BRME1: variants seen among roughly 807,000 people sequenced by gnomAD.
BRME1 encodes BRCA2 and MEILB2-associating protein 1.
In BRME1, 31 loss-of-function variants were observed where a neutral mutation model predicts 52.6. The observed-to-expected ratio is 0.59, with a 90% CI of 0.44 to 0.80. The LOEUF (loss-of-function observed/expected upper bound fraction) is 0.80, where lower values mean the gene tolerates loss of function less well. Ranked by LOEUF, BRME1 falls within the 30% of genes least tolerant of loss-of-function variation. BRME1 has a pLI of 0.00. For synonymous variants in BRME1, 359 were observed against 353.6 expected (o/e 1.02, Z -0.17); for missense variants, 804 against 860.3 (o/e 0.93, Z 0.82).
intron 2 of BRME1, 43 bp downstream of exon 2, chr19:13,904,819 A>G (rs765992153): frequency 1.6e-5 from 26 of 1,602,434 alleles, no homozygotes; most frequent in Non-Finnish European, 2.2e-5. Context: ...TCTTCCCACA[A>G]GCAGAAGCAG....
At chr19:13,886,738 T>C (rs1274073459) in intron 6 of BRME1, among the ~76,000 whole-genome samples, 1 of 148,984 alleles carries the variant, frequency 6.7e-6, no homozygotes, top group African/African-American at 2.5e-5. Context: ...GGTGGGAGGA[T>C]TGTTTGAGGC....
At position 13,889,363 on chromosome 19, in the gene BRME1, G is replaced by T. The variant is rs573794640; in HGVS notation, c.1493C>A (p.Ala498Asp). 55 of 1,614,130 alleles carry T rather than the reference G, an allele frequency of 3.4e-5. 1 individual carries two copies. The South Asian group carries it at 5.6e-4, about 16-fold the overall frequency. The change falls in exon 6 of 9, where the codon GCT (alanine) becomes GAT (aspartate). Residue 498 changes from alanine to aspartate, a missense_variant. Ala to Asp is a moderately radical substitution (Grantham distance 126, BLOSUM62 -2). Around this residue, in one of 3 missense-constraint regions of BRME1, gnomAD observed 552 missense variants for 561.1 expected, o/e 0.98. Transcript: ENST00000586783. ...GGTGGTGTCTGGAATGCCCTGCTGAGCCCCGGGCTCCTGGAGAGGGTCGTC... is the reference window on the plus strand; with the variant it reads ...GGTGGTGTCTGGAATGCCCTGCTGATCCCCGGGCTCCTGGAGAGGGTCGTC... ...IADDPLQEPG[A>D]QQGIPDTTSE...
intron 2 of BRME1, 148 bp from the exon 3 acceptor site, chr19:13,895,694 G>C (rs1969842105): frequency 1.5e-6 from 1 of 672,460 alleles, no homozygotes. Flanking sequence ...GTGCCTGTAA[G>C]AGCATCTTGT....
intron 2 of BRME1, among the ~76,000 whole-genome samples, chr19:13,904,008 C>T (rs11882357): frequency 1.3e-5 from 2 of 152,174 alleles, no homozygotes; most frequent in Non-Finnish European, 2.9e-5. Flanking sequence ...GGGAGGCCTC[C>T]TCTAAGCTGT....
chr19:13,889,794 C>T lies in BRME1; in HGVS notation c.1062G>A (p.Leu354=). 6.2e-7 allele frequency: 1 copy of T among 1,612,812 alleles called. No individual in the cohort carries two copies. The highest frequency in any genetic ancestry group is 8.5e-7 in the Non-Finnish European group (1 of 1,179,920). The change falls in exon 6 of 9, where the codon CTG becomes CTA. Residue 354 remains leucine (L), a synonymous_variant. Coordinates refer to ENST00000586783, the MANE Select transcript of BRME1 (RefSeq NM_001345843.2). ...CCTGCCCATCGGGCCCAGCCACCTCCAGAGCCCTCTCTTCCAGCTCAGTGG... is the reference window on the plus strand; with the variant it reads ...CCTGCCCATCGGGCCCAGCCACCTCTAGAGCCCTCTCTTCCAGCTCAGTGG... The part of the protein sequence containing the change: ...TDPTELEERA[L]EVAGPDGQAS...
chr19:13,882,588 G>C lies in BRME1; in HGVS notation c.*214C>G. The C allele has an allele frequency of 5.0e-6, 3 of 603,290 alleles. No homozygotes were observed. Among genetic ancestry groups the C allele is most frequent in the Non-Finnish European group, 8.6e-6 (3 of 350,644 alleles). The allele number at this position is 603,290 out of a possible 1,614,324, so 37.4% of individuals were successfully genotyped here. A position where few individuals can be genotyped will look rare whatever the true frequency, so the allele number is the denominator to read the frequency against. Reference sequence around the variant, plus strand: ...AGTCACTGGGGCTGTGGGAGACACAGTTTCCCTCCCTGAAGCCAAGGGTGG... The same window carrying C: ...AGTCACTGGGGCTGTGGGAGACACACTTTCCCTCCCTGAAGCCAAGGGTGG... On this transcript the variant is annotated 3_prime_UTR_variant, in exon 9 of 9. Transcript: ENST00000586783.
At position 13,904,921 on chromosome 19, in the gene BRME1, C is replaced by G; in HGVS notation, c.-21-8G>C. On this transcript the variant is annotated splice_region_variant and splice_polypyrimidine_tract_variant and intron_variant, in intron 1 of 8. Transcript: ENST00000586783. Reference sequence around the variant, plus strand: ...ATCTTCCCCTTGAGAAATCTGAAAACAAGCAAAATCTCTCATCATTATAAG... The same window carrying G: ...ATCTTCCCCTTGAGAAATCTGAAAAGAAGCAAAATCTCTCATCATTATAAG... The G allele has an allele frequency of 2.5e-6, 4 of 1,606,876 alleles. No homozygotes were observed. Among genetic ancestry groups the G allele is most frequent in the Non-Finnish European group, 3.4e-6 (4 of 1,173,684 alleles).
In BRME1 at chr19:13,882,728, C is replaced by T. The variant is rs190126561; in HGVS notation, c.*74G>A. On this transcript the variant is annotated 3_prime_UTR_variant, in exon 9 of 9. Coordinates refer to ENST00000586783, the MANE Select transcript of BRME1 (RefSeq NM_001345843.2). ...GGAGGTTTGTAGGGTCCACTAGGAC[C>T]CCCTGGAGCATCTTGGAGGAGGTCT... The T allele has an allele frequency of 8.8e-6, 14 of 1,586,360 alleles. No homozygotes were observed. Among genetic ancestry groups the T allele is most frequent in the Middle Eastern group, 1.9e-4 (1 of 5,254 alleles).
In BRME1 at chr19:13,888,381, C is replaced by T. The variant is rs748729260; in HGVS notation, c.1668+807G>A. 1.3e-5 allele frequency: 2 copies of T among 152,552 alleles called. No individual in the cohort carries two copies. Among genetic ancestry groups the T allele is most frequent in the Non-Finnish European group, 2.9e-5 (2 of 68,176 alleles). 9.4% of individuals were successfully genotyped at this position (152,552 alleles called of 1,614,324 possible). A position where few individuals can be genotyped will look rare whatever the true frequency, so the allele number is the denominator to read the frequency against. ...GCCTCACCTCTAGCAGGCGCACGAACTCCTCCAGAGTCTTCACTGCCACAC... is the reference window on the plus strand; with the variant it reads ...GCCTCACCTCTAGCAGGCGCACGAATTCCTCCAGAGTCTTCACTGCCACAC... On this transcript the variant is annotated intron_variant, in intron 6 of 8. Coordinates refer to ENST00000586783, the MANE Select transcript of BRME1 (RefSeq NM_001345843.2). The surrounding 1 kb of genome is among the most constrained non-coding windows in gnomAD (Gnocchi z 4.1).
chr19:13,892,071 C>CAA lies in BRME1; in HGVS notation c.393+713_393+714dup, dbSNP rs575433126. On this transcript the variant is annotated intron_variant, in intron 5 of 8. Transcript: ENST00000586783. The stretch of plus-strand genomic sequence containing the variant: ...CTGGGCGATAAGCAAGACTCCATCT[C>CAA]AAAAAAAAAAAAAAATTATTGTAGA... 4.3e-4 allele frequency among the ~76,000 whole-genome samples: 58 copies of CAA among 136,202 alleles called. 1 individual carries two copies. Among genetic ancestry groups the CAA allele is most frequent in the African/African-American group, 1.2e-3 (45 of 37,418 alleles). The allele number at this position is 136,202 out of a possible 152,430, so 89.4% of individuals were successfully genotyped here. A position where few individuals can be genotyped will look rare whatever the true frequency, so the allele number is the denominator to read the frequency against.
At chr19:13,900,833 G>A (rs918489360) in intron 2 of BRME1, among the ~76,000 whole-genome samples, 2 of 151,792 alleles carry the variant, frequency 1.3e-5, no homozygotes, top group Non-Finnish European at 1.5e-5. Flanking sequence ...CACCATGCCC[G>A]GCTAATTTTT....
chr19:13,902,727 T>C (rs1474412867), intron 2 of BRME1, among the ~76,000 whole-genome samples: 1 of 149,340 alleles, frequency 6.7e-6, no homozygotes. Context: ...AGGTTGGGAG[T>C]TCAAGACCAG....
At chr19:13,893,042 CATGAGTGAGCA>C in intron 4 of BRME1, 89 bp downstream of exon 4, 1 of 1,367,272 alleles carries the variant, frequency 7.3e-7, no homozygotes, top group Non-Finnish European at 1.0e-6. Context: ...CCCTGTAGAC[CATGAGTGAGCA>C]ATTGGTGACA....
intron 6 of BRME1, among the ~76,000 whole-genome samples, chr19:13,887,631 G>T (rs893141260): frequency 6.6e-6 from 1 of 152,172 alleles, no homozygotes; most frequent in African/African-American, 2.4e-5. Flanking sequence ...CAATGGAGGC[G>T]GCTCTTCTCT....
At chr19:13,905,507 C>CAAA (rs56670938) in intron 1 of BRME1, among the ~76,000 whole-genome samples, 5,749 of 118,736 alleles carry the variant, frequency 0.048, 331 homozygotes, top group African/African-American at 0.13. Flanking sequence ...GACTCCGTCT[C>CAAA]AAAAAAAAAA....
chr19:13,890,342 G>A lies in BRME1; in HGVS notation c.514C>T (p.Pro172Ser). ...GDPTQADSARPEQSSQSPVQA... is the reference protein window; with the variant it reads ...GDPTQADSARSEQSSQSPVQA... ...ACAGGGCTCTGGCTGCTCTGCTCAG[G>A]GCGGGCACTGTCTGCCTGCGTTGGG... Residue 172 changes from proline to serine, a missense_variant, in exon 6 of 9, where the codon CCT becomes TCT. By Grantham distance (74) the Pro-to-Ser change is moderately conservative. Transcript: ENST00000586783. 1.3e-6 allele frequency: 2 copies of A among 1,584,150 alleles called. No individual in the cohort carries two copies. The highest frequency in any genetic ancestry group is 1.8e-5 in the Admixed American group (1 of 55,858).
chr19:13,885,950 G>A lies in BRME1; in HGVS notation c.1763+11C>T, dbSNP rs1212073702. 4.3e-6 allele frequency: 7 copies of A among 1,612,336 alleles called. No individual in the cohort carries two copies. Among genetic ancestry groups the A allele is most frequent in the Admixed American group, 3.3e-5 (2 of 59,902 alleles). On this transcript the variant is annotated intron_variant, in intron 7 of 8. Coordinates refer to ENST00000586783, the MANE Select transcript of BRME1 (RefSeq NM_001345843.2). Reference sequence around the variant, plus strand: ...GGTCCTGGAGCCACTTCTCACCCACGCCACACCTACCTCGGCTGGGCCTTG... The same window carrying A: ...GGTCCTGGAGCCACTTCTCACCCACACCACACCTACCTCGGCTGGGCCTTG...
intron 6 of BRME1, 67 bp from the exon 7 acceptor site, chr19:13,886,122 A>G: frequency 1.5e-6 from 2 of 1,371,270 alleles, no homozygotes; most frequent in Non-Finnish European, 2.1e-6. Context: ...CAGGGGAACC[A>G]GAAGTCACGC....
At position 13,883,098 on chromosome 19, in the gene BRME1, T is replaced by TAGCACAGGCTGGGCCTGTTGC. The variant is rs1019352828; in HGVS notation, c.1857-167_1857-147dup. 1 of 670,978 alleles carries TAGCACAGGCTGGGCCTGTTGC rather than the reference T, an allele frequency of 1.5e-6. No individual in the cohort carries two copies. Among genetic ancestry groups the TAGCACAGGCTGGGCCTGTTGC allele is most frequent in the Non-Finnish European group, 2.0e-6 (1 of 506,190 alleles). 41.6% of individuals were successfully genotyped at this position (670,978 alleles called of 1,614,324 possible). A position where few individuals can be genotyped will look rare whatever the true frequency, so the allele number is the denominator to read the frequency against. ...GCACATAACCAGAAAGGGCCTGTTG[T>TAGCACAGGCTGGGCCTGTTGC]AGCACAGGCTGGGCCTGTTGCAGCC... On this transcript the variant is annotated intron_variant, in intron 8 of 8. Coordinates refer to ENST00000586783, the MANE Select transcript of BRME1 (RefSeq NM_001345843.2). The surrounding 1 kb of genome is among the most constrained non-coding windows in gnomAD (Gnocchi z 4.2).
Sources: gnomAD v4.1 joint callset for allele counts (sites outside exome capture counted in the v4.1 genomes callset) on GRCh38, gnomAD v4.1.1 for gene constraint, gnomAD v4.1.1 regional missense constraint, Gnocchi (gnomAD v3.1) non-coding constraint, MANE v1.5 for transcripts, NCBI Gene and HGNC (gene_info 2026-07-23, HGNC 2026-07-21) for gene names.